Variants in NEMP2 observed in about 807,000 individuals in gnomAD.
NEMP2 encodes the protein UPF0571 transmembrane protein.
A neutral mutation model predicts 54.2 loss-of-function variants in NEMP2; 53 were observed. The observed-to-expected ratio is 0.98, with a 90% CI of 0.78 to 1.23. The LOEUF is 1.23. NEMP2 is among the 50% of genes most tolerant of loss of function. The pLI is 0.00. For synonymous variants in NEMP2, 197 were observed against 190.3 expected (o/e 1.04, Z -0.29); for missense variants, 455 against 511.3 (o/e 0.89, Z 1.06).
the NEMP2 span, among the ~76,000 whole-genome samples, chr2:190,600,215 A>C: frequency 6.6e-6 from 1 of 152,062 alleles, no homozygotes; most frequent in Non-Finnish European, 1.5e-5. The surrounding 1 kb of genome is among the most constrained non-coding windows in gnomAD (Gnocchi z 4.9). Context: ...TGTTGTTTCT[A>C]ACTCTCATTG....
the NEMP2 span, among the ~76,000 whole-genome samples, chr2:190,580,461 T>A: frequency 7.2e-5 from 11 of 152,262 alleles, no homozygotes; most frequent in South Asian, 2.3e-3. This position sits in a 1 kb window ranked among gnomAD's most constrained non-coding sequence, Gnocchi z 5.3. Context: ...GTAGATAAAG[T>A]TTGTTTTGGT....
the NEMP2 span, among the ~76,000 whole-genome samples, chr2:190,464,136 A>G: frequency 6.6e-6 from 1 of 152,200 alleles, no homozygotes; most frequent in Non-Finnish European, 1.5e-5. Context: ...CCTTGTATGC[A>G]TTGGTGTGCG....
chr2:190,628,824 TCTAGTCCC>T, the NEMP2 span: 1 of 152,218 alleles, frequency 6.6e-6, no homozygotes, highest in African/African-American at 2.4e-5. The surrounding 1 kb of genome is among the most constrained non-coding windows in gnomAD (Gnocchi z 4.1). Flanking sequence ...GGCTCTTGGT[TCTAGTCCC>T]CCAGGAGATT....
chr2:190,582,761 G>T, the NEMP2 span, among the ~76,000 whole-genome samples: 1 of 152,188 alleles, frequency 6.6e-6, no homozygotes, highest in Non-Finnish European at 1.5e-5. The surrounding 1 kb of genome is among the most constrained non-coding windows in gnomAD (Gnocchi z 4.6). Context: ...TAAGACTTTT[G>T]TCTAAACCAT....
chr2:190,431,962 C>T, the NEMP2 span, among the ~76,000 whole-genome samples: 6 of 152,232 alleles, frequency 3.9e-5, no homozygotes, highest in Admixed American at 3.3e-4. This position sits in a 1 kb window ranked among gnomAD's most constrained non-coding sequence, Gnocchi z 4.4. Flanking sequence ...TGAAGATAAT[C>T]ATATATTCAA....
chr2:190,595,182 G>T, the NEMP2 span, among the ~76,000 whole-genome samples: 1 of 152,132 alleles, frequency 6.6e-6, no homozygotes. The surrounding 1 kb of genome is among the most constrained non-coding windows in gnomAD (Gnocchi z 4.0). Context: ...AAATGGTGTT[G>T]GGAACACTGG....
chr2:190,565,185 A>G, the NEMP2 span, among the ~76,000 whole-genome samples: 4 of 152,098 alleles, frequency 2.6e-5, no homozygotes, highest in African/African-American at 9.7e-5. Context: ...AGAGACACCC[A>G]GTAGGAATGG....
chr2:190,587,793 C>T, the NEMP2 span, among the ~76,000 whole-genome samples: 9 of 152,238 alleles, frequency 5.9e-5, no homozygotes, highest in South Asian at 2.1e-4. This position sits in a 1 kb window ranked among gnomAD's most constrained non-coding sequence, Gnocchi z 5.4. Context: ...AAGTAGGCTC[C>T]GAAATAGTTG....
chr2:190,497,174 G>A, the NEMP2 span, among the ~76,000 whole-genome samples: 2 of 152,064 alleles, frequency 1.3e-5, no homozygotes, highest in African/African-American at 4.8e-5. The surrounding 1 kb of genome is among the most constrained non-coding windows in gnomAD (Gnocchi z 5.2). Context: ...CCCCACTGAT[G>A]TTCTAAGTTA....
the NEMP2 span, among the ~76,000 whole-genome samples, chr2:190,594,335 C>T: frequency 6.6e-6 from 1 of 152,118 alleles, no homozygotes; most frequent in Non-Finnish European, 1.5e-5. The surrounding 1 kb of genome is among the most constrained non-coding windows in gnomAD (Gnocchi z 5.6). Flanking sequence ...CCAAAAGTAT[C>T]TCCTTTAAAA....
chr2:190,570,495 C>G, the NEMP2 span, among the ~76,000 whole-genome samples: 48 of 152,326 alleles, frequency 3.2e-4, no homozygotes, highest in Admixed American at 1.8e-3. This position sits in a 1 kb window ranked among gnomAD's most constrained non-coding sequence, Gnocchi z 5.4. Context: ...TCAGCTTTTG[C>G]TCTTACATGG....
chr2:190,441,749 T>C, the NEMP2 span, among the ~76,000 whole-genome samples: 1 of 152,080 alleles, frequency 6.6e-6, no homozygotes, highest in Non-Finnish European at 1.5e-5. Context: ...GAGACCTCTG[T>C]GAGCTGCTGC....
the NEMP2 span, chr2:190,436,489 CCTG>C: frequency 6.2e-7 from 1 of 1,614,220 alleles, no homozygotes; most frequent in Non-Finnish European, 8.5e-7. The surrounding 1 kb of genome is among the most constrained non-coding windows in gnomAD (Gnocchi z 5.3). Context: ...ATTTGTCAAA[CCTG>C]CTACCTTGAG....
chr2:190,572,839 A>G, the NEMP2 span, among the ~76,000 whole-genome samples: 237 of 70,652 alleles, frequency 3.4e-3, 9 homozygotes, highest in African/African-American at 0.013. Flanking sequence ...ATGAGTATAT[A>G]TATATATATA....
the NEMP2 span, among the ~76,000 whole-genome samples, chr2:190,582,695 C>T: frequency 1.4e-4 from 22 of 152,282 alleles, no homozygotes; most frequent in African/African-American, 5.3e-4. This position sits in a 1 kb window ranked among gnomAD's most constrained non-coding sequence, Gnocchi z 4.6. Flanking sequence ...AGACTCTGTA[C>T]GAGCAAGAGC....
the NEMP2 span, among the ~76,000 whole-genome samples, chr2:190,481,262 T>C: frequency 6.6e-6 from 1 of 152,236 alleles, no homozygotes; most frequent in East Asian, 1.9e-4. Context: ...CCCTAGAACA[T>C]TGTTACATCA....
chr2:190,591,512 C>A, the NEMP2 span, among the ~76,000 whole-genome samples: 2 of 151,982 alleles, frequency 1.3e-5, no homozygotes, highest in Non-Finnish European at 2.9e-5. This position sits in a 1 kb window ranked among gnomAD's most constrained non-coding sequence, Gnocchi z 5.4. Context: ...CCTTCAGAAC[C>A]TTTTCATGCA....
the NEMP2 span, among the ~76,000 whole-genome samples, chr2:190,564,687 G>A: frequency 6.6e-6 from 1 of 152,198 alleles, no homozygotes; most frequent in Non-Finnish European, 1.5e-5. The surrounding 1 kb of genome is among the most constrained non-coding windows in gnomAD (Gnocchi z 4.2). Context: ...GCAAAAGCAA[G>A]AGACAAGTAA....
rs1690762797 is a variant in NEMP2 at position 190,521,904 on chromosome 2, C to A, written c.214-2721G>T. ...CCTGAACTCTTAATATAAGACTGAC[C>A]CAGGCTTAGCCATTGGTCCTCTTCT... On this transcript the variant is annotated intron_variant, in intron 2 of 8. Transcript: ENST00000409150. This position sits in a 1 kb window ranked among gnomAD's most constrained non-coding sequence, Gnocchi z 6.2. Among the ~76,000 whole-genome samples the A allele has an allele frequency of 6.6e-6, 1 of 152,048 alleles. No homozygotes were observed. The highest frequency in any genetic ancestry group is 6.5e-5 in the Admixed American group (1 of 15,272).
Sources: allele counts gnomAD v4.1 joint callset (sites outside exome capture counted in the v4.1 genomes callset), GRCh38; gene constraint gnomAD v4.1.1; non-coding constraint Gnocchi (gnomAD v3.1); transcripts MANE v1.5; gene names NCBI Gene and HGNC (gene_info 2026-07-23, HGNC 2026-07-21).